Variants in STXBP5 observed in about 807,000 individuals in gnomAD.
STXBP5 encodes syntaxin binding protein 5.
STXBP5 carries 50 observed loss-of-function variants against 152.4 expected under a neutral mutation model. The observed-to-expected ratio is 0.33, with a 90% CI of 0.26 to 0.42. The LOEUF is 0.42. Ranked by LOEUF, STXBP5 falls within the 10% of genes least tolerant of loss-of-function variation. STXBP5 has a pLI of 1.00. For missense variants in STXBP5, 1,167 were observed against 1,388.6 expected, an observed-to-expected ratio of 0.84 and a Z score of 2.54; for synonymous variants, 492 against 494.7, an observed-to-expected ratio of 0.99 and a Z score of 0.07.
chr6:147,267,104 T>C lies in STXBP5; in HGVS notation c.651T>C (p.Ser217=). 1 of 1,611,796 alleles carries C rather than the reference T, an allele frequency of 6.2e-7. No individual in the cohort carries two copies. Among genetic ancestry groups the C allele is most frequent in the Non-Finnish European group, 8.5e-7 (1 of 1,179,096 alleles). ...CACAGCTTTTGATTGGCTTTGAATC[T>C]GGAACAGTAGTTTTATGGGACCTCA... ...DEGKLLIGFE[S]GTVVLWDLKS... Residue 217 remains serine, a synonymous_variant, in exon 7 of 28, where the codon TCT becomes TCC. Coordinates refer to ENST00000321680, the MANE Select transcript of STXBP5 (RefSeq NM_001127715.4).
chr6:147,256,437 C>G (rs1467150379), intron 4 of STXBP5, among the ~76,000 whole-genome samples: 1 of 152,172 alleles, frequency 6.6e-6, no homozygotes, highest in African/African-American at 2.4e-5. Context: ...AATCCCAGCA[C>G]TTTGGTACTG....
intron 17 of STXBP5, among the ~76,000 whole-genome samples, 192 bp downstream of exon 17, chr6:147,325,276 G>T (rs1187035616): frequency 6.6e-6 from 1 of 152,168 alleles, no homozygotes; most frequent in Non-Finnish European, 1.5e-5. Flanking sequence ...GGGTATGCAT[G>T]CAGTATTTCC....
chr6:147,278,708 A>G (rs1408602831), intron 8 of STXBP5, among the ~76,000 whole-genome samples: 1 of 152,156 alleles, frequency 6.6e-6, no homozygotes, highest in Non-Finnish European at 1.5e-5. Flanking sequence ...AGTCATATTC[A>G]TTGCTGTGAT....
At chr6:147,270,612 A>G (rs1780118372) in intron 7 of STXBP5, among the ~76,000 whole-genome samples, 1 of 152,108 alleles carries the variant, frequency 6.6e-6, no homozygotes, top group Admixed American at 6.5e-5. Context: ...GACCTCAACT[A>G]TAAGATATGT....
At chr6:147,336,627 TG>T (rs1359667450) in intron 19 of STXBP5, among the ~76,000 whole-genome samples, 1 of 152,000 alleles carries the variant, frequency 6.6e-6, no homozygotes, top group Non-Finnish European at 1.5e-5. Context: ...ACAATGAGAA[TG>T]ATATAAAGAG....
rs948631089 is a variant in STXBP5 at position 147,386,195 on chromosome 6, A to G, written c.*1440A>G. 4 of 151,960 alleles carry G rather than the reference A, an allele frequency of 2.6e-5. No individual in the cohort carries two copies. Among genetic ancestry groups the G allele is most frequent in the African/African-American group, 7.2e-5 (3 of 41,440 alleles). 9.4% of individuals were successfully genotyped at this position (151,960 alleles called of 1,614,324 possible). Reference sequence around the variant, plus strand: ...TTGTTAAAGCAACCCAGCAAAAGCAAAATGGAAGCATTAAAATTAATGTTA... The same window carrying G: ...TTGTTAAAGCAACCCAGCAAAAGCAGAATGGAAGCATTAAAATTAATGTTA... On this transcript the variant is annotated 3_prime_UTR_variant, in exon 28 of 28. Transcript: ENST00000321680.
At chr6:147,236,514 A>G (rs1378969579) in intron 3 of STXBP5, among the ~76,000 whole-genome samples, 1 of 152,170 alleles carries the variant, frequency 6.6e-6, no homozygotes, top group African/African-American at 2.4e-5. Flanking sequence ...ATAGCAAACC[A>G]GGAAAATGAC....
chr6:147,248,189 G>A (rs1778906142), intron 4 of STXBP5, among the ~76,000 whole-genome samples: 1 of 151,028 alleles, frequency 6.6e-6, no homozygotes, highest in Non-Finnish European at 1.5e-5. Flanking sequence ...CTGAGGCAGG[G>A]AGAATTGCTT....
intron 21 of STXBP5, among the ~76,000 whole-genome samples, chr6:147,339,654 A>G (rs1440712839): frequency 6.6e-6 from 1 of 152,000 alleles, no homozygotes; most frequent in Non-Finnish European, 1.5e-5. Context: ...GCAGGGTTCA[A>G]TTTATGCCGT....
At chr6:147,292,092 G>T (rs368819017) in intron 9 of STXBP5, among the ~76,000 whole-genome samples, 2 of 152,178 alleles carry the variant, frequency 1.3e-5, no homozygotes, top group South Asian at 4.1e-4. Flanking sequence ...AGAAACACTG[G>T]TGTATTTTTT....
intron 2 of STXBP5, among the ~76,000 whole-genome samples, chr6:147,208,334 G>A (rs940278693): frequency 6.6e-6 from 1 of 151,984 alleles, no homozygotes; most frequent in Non-Finnish European, 1.5e-5. Flanking sequence ...ATTTATTATG[G>A]TTCTGATTTA....
At chr6:147,309,682 C>T (rs893512723) in intron 9 of STXBP5, among the ~76,000 whole-genome samples, 2 of 152,022 alleles carry the variant, frequency 1.3e-5, no homozygotes, top group East Asian at 3.9e-4. Flanking sequence ...AGAATTTAAT[C>T]CATTACCTAC....
intron 2 of STXBP5, among the ~76,000 whole-genome samples, chr6:147,226,996 T>C (rs1388453315): frequency 3.9e-5 from 6 of 152,156 alleles, no homozygotes; most frequent in Admixed American, 3.9e-4. Flanking sequence ...GCCACACAAG[T>C]CTGTGTAGTA....
In STXBP5 at chr6:147,291,556, T is replaced by G. The variant is rs9497741; in HGVS notation, c.917+384T>G. On this transcript the variant is annotated intron_variant, in intron 9 of 27. Coordinates refer to ENST00000321680, the MANE Select transcript of STXBP5 (RefSeq NM_001127715.4). ...TATGTTATGAAAGTTATATGTATTC[T>G]TCAGAAATTAAATCTTATATGAGTA... 7.6e-3 allele frequency among the ~76,000 whole-genome samples: 1,156 copies of G among 152,248 alleles called. 17 individuals carry two copies. The highest frequency in any genetic ancestry group is 0.025 in the African/African-American group (1,060 of 41,572).
At chr6:147,243,061 A>G (rs1369101309) in intron 4 of STXBP5, among the ~76,000 whole-genome samples, 1 of 152,122 alleles carries the variant, frequency 6.6e-6, no homozygotes, top group East Asian at 1.9e-4. Context: ...AAATATTCAC[A>G]TGCAGTTTTT....
intron 4 of STXBP5, among the ~76,000 whole-genome samples, chr6:147,258,767 C>G (rs1168032160): frequency 2.0e-5 from 3 of 152,124 alleles, no homozygotes; most frequent in Admixed American, 6.6e-5. Flanking sequence ...TAACACATTA[C>G]TCCTTTTAAG....
intron 26 of STXBP5, among the ~76,000 whole-genome samples, chr6:147,374,871 A>C (rs1489515003): frequency 6.6e-6 from 1 of 152,130 alleles, no homozygotes; most frequent in Non-Finnish European, 1.5e-5. Context: ...TTTAAGAGTA[A>C]GGGTGAACTG....
chr6:147,299,504 C>T (rs189724830), intron 9 of STXBP5, among the ~76,000 whole-genome samples: 18 of 151,992 alleles, frequency 1.2e-4, no homozygotes, highest in East Asian at 1.2e-3. Context: ...ACTCATTATA[C>T]GAAACCAGCA....
intron 2 of STXBP5, among the ~76,000 whole-genome samples, chr6:147,213,495 T>G (rs1777000243): frequency 7.1e-6 from 1 of 140,028 alleles, no homozygotes; most frequent in Non-Finnish European, 1.6e-5. Context: ...CATATATATA[T>G]TTTTTCTTTT....
Sources: gnomAD v4.1 joint callset for allele counts (sites outside exome capture counted in the v4.1 genomes callset) on GRCh38, gnomAD v4.1.1 for gene constraint, MANE v1.5 for transcripts, NCBI Gene and HGNC (gene_info 2026-07-23, HGNC 2026-07-21) for gene names.